ROBO2: variants seen among roughly 807,000 people sequenced by gnomAD.
ROBO2 encodes the protein roundabout homolog 2.
A neutral mutation model predicts 160.8 loss-of-function variants in ROBO2; 53 were observed. The ratio of observed to expected loss-of-function variants is 0.33; its 90% CI spans 0.26 to 0.41. The LOEUF is 0.41. Ranked by LOEUF, ROBO2 falls within the 10% of genes least tolerant of loss-of-function variation. ROBO2 has a pLI of 1.00. For missense variants in ROBO2, 1,577 were observed against 1,722.4 expected, an observed-to-expected ratio of 0.92 and a Z score of 1.49; for synonymous variants, 664 against 611.7, an observed-to-expected ratio of 1.09 and a Z score of -1.26.
At chr3:76,605,740 C>T (rs1317261153) in intron 2 of ROBO2, among the ~76,000 whole-genome samples, 1 of 152,104 alleles carries the variant, frequency 6.6e-6, no homozygotes, top group Non-Finnish European at 1.5e-5. Context: ...ATAAGTAGCA[C>T]ATCTGGTAGT....
At chr3:77,530,810 A>T in intron 6 of ROBO2, among the ~76,000 whole-genome samples, 1 of 152,092 alleles carries the variant, frequency 6.6e-6, no homozygotes, top group East Asian at 1.9e-4. Context: ...GGATGTAGTT[A>T]ACTATGAATG....
intron 2 of ROBO2, among the ~76,000 whole-genome samples, chr3:76,873,352 C>T (rs1416842675): frequency 6.6e-6 from 1 of 152,154 alleles, no homozygotes; most frequent in Non-Finnish European, 1.5e-5. Flanking sequence ...AATCTATACA[C>T]ATTCCTAAGA....
intron 2 of ROBO2, among the ~76,000 whole-genome samples, chr3:76,231,230 C>T (rs1323005006): frequency 2.0e-5 from 3 of 152,152 alleles, no homozygotes; most frequent in Non-Finnish European, 2.9e-5. Flanking sequence ...CAGCGTAATA[C>T]ATGAAGAGCA....
At chr3:77,382,445 A>T (rs1398210659) in intron 2 of ROBO2, among the ~76,000 whole-genome samples, 2 of 150,034 alleles carry the variant, frequency 1.3e-5, no homozygotes, top group African/African-American at 4.9e-5. Flanking sequence ...CTTTTGGGGT[A>T]CAAGTTGTTT....
intron 2 of ROBO2, among the ~76,000 whole-genome samples, chr3:76,515,499 AT>A (rs34049296): frequency 0.3 from 44,739 of 147,682 alleles, 7,796 homozygotes; most frequent in East Asian, 0.4. Flanking sequence ...CCTGCAAGGT[AT>A]TTTTTTTTTT....
chr3:76,838,205 A>G (rs2067887003), intron 2 of ROBO2, among the ~76,000 whole-genome samples: 1 of 152,054 alleles, frequency 6.6e-6, no homozygotes, highest in African/African-American at 2.4e-5. Context: ...ATAAAGAAGA[A>G]AACAACAGAC....
intron 2 of ROBO2, among the ~76,000 whole-genome samples, chr3:77,124,138 T>C (rs2075090645): frequency 6.6e-6 from 1 of 152,136 alleles, no homozygotes; most frequent in Admixed American, 6.6e-5. Context: ...TTCTGCTCCT[T>C]TCGTTCTGGA....
At chr3:77,086,934 G>A (rs2069402877) in intron 1 of ROBO2, among the ~76,000 whole-genome samples, 2 of 152,116 alleles carry the variant, frequency 1.3e-5, no homozygotes, top group Non-Finnish European at 2.9e-5. Context: ...AAATATTTTG[G>A]GGTACAGGAA....
intron 2 of ROBO2, among the ~76,000 whole-genome samples, chr3:76,641,627 C>CA (rs988898563): frequency 1.8e-4 from 27 of 151,684 alleles, no homozygotes; most frequent in East Asian, 1.2e-3. Flanking sequence ...AAACAAAAAA[C>CA]AAAAAAAACC....
At chr3:76,013,987 T>TGGCGGCTGGGTACA in intron 2 of ROBO2, among the ~76,000 whole-genome samples, 1 of 151,238 alleles carries the variant, frequency 6.6e-6, no homozygotes, top group East Asian at 2.0e-4. Context: ...TAAAGGCATT[T>TGGCGGCTGGGTACA]GGAGGCTGGG....
intron 2 of ROBO2, among the ~76,000 whole-genome samples, chr3:77,184,207 T>G (rs2081068838): frequency 6.6e-6 from 1 of 152,086 alleles, no homozygotes; most frequent in African/African-American, 2.4e-5. Flanking sequence ...TTTCTCCTTA[T>G]AAATCTTGCA....
At chr3:76,024,952 T>A (rs541675544) in intron 2 of ROBO2, among the ~76,000 whole-genome samples, 1 of 149,394 alleles carries the variant, frequency 6.7e-6, no homozygotes, top group South Asian at 2.1e-4. Context: ...TATATATATA[T>A]TATATATATG....
rs772862263 is a variant in ROBO2, at chr3:76,995,413, G to A, written c.110-102601G>A. On this transcript the variant is annotated intron_variant, in intron 2 of 26. Transcript: ENST00000487694. ...GTGAATAGTGCTGCAATAAACATAC[G>A]CGTGCATGTGTCTTTACAGCAGCAT... Among the ~76,000 whole-genome samples the A allele has an allele frequency of 9.2e-5, 14 of 152,170 alleles. 1 individual carries two copies. The highest frequency in any genetic ancestry group is 5.8e-4 in the East Asian group (3 of 5,164).
At chr3:77,425,108 G>T (rs1386991700) in intron 2 of ROBO2, among the ~76,000 whole-genome samples, 1 of 150,156 alleles carries the variant, frequency 6.7e-6, no homozygotes, top group Non-Finnish European at 1.5e-5. Context: ...TTTCTCTATT[G>T]AATTATTTTT....
At position 76,557,779 on chromosome 3, in the gene ROBO2, G is replaced by A. The variant is rs566990699; in HGVS notation, c.110-540235G>A. ...AGACTTAGAACTCAGTTCCCCTTCC[G>A]TCACTTGAAAATTCTTTTCTTACCG... On this transcript the variant is annotated intron_variant, in intron 2 of 26. Transcript: ENST00000487694. Among the ~76,000 whole-genome samples the A allele has an allele frequency of 9.0e-4, 136 of 150,688 alleles. 1 individual carries two copies. Among genetic ancestry groups the A allele is most frequent in the African/African-American group, 2.9e-3 (118 of 41,122 alleles).
chr3:77,254,878 G>T (rs1372421), intron 2 of ROBO2, among the ~76,000 whole-genome samples: 35,120 of 152,140 alleles, frequency 0.23, 4,855 homozygotes, highest in Middle Eastern at 0.35. Context: ...TAAAAACAAG[G>T]TCAGATCTTC....
intron 2 of ROBO2, among the ~76,000 whole-genome samples, chr3:77,401,954 A>G (rs186379148): frequency 4.6e-5 from 7 of 152,324 alleles, no homozygotes; most frequent in Admixed American, 2.0e-4. Context: ...ATTAGAAACC[A>G]TTCTACTATA....
chr3:77,416,588 G>A (rs537187499), intron 2 of ROBO2, among the ~76,000 whole-genome samples: 24 of 151,868 alleles, frequency 1.6e-4, no homozygotes, highest in African/African-American at 5.6e-4. Flanking sequence ...GCAGTGGCAG[G>A]TGCCTGTAAT....
chr3:76,913,914 TC>T (rs2076150543), intron 2 of ROBO2, among the ~76,000 whole-genome samples: 2 of 151,832 alleles, frequency 1.3e-5, no homozygotes, highest in Admixed American at 6.6e-5. Context: ...TGAAAAATAC[TC>T]CTTTAGAGGA....
Sources: allele counts gnomAD v4.1 joint callset (sites outside exome capture counted in the v4.1 genomes callset), GRCh38; gene constraint gnomAD v4.1.1; transcripts MANE v1.5; gene names NCBI Gene and HGNC (gene_info 2026-07-23, HGNC 2026-07-21).